Variants in LIG1 observed in about 807,000 individuals in gnomAD.
LIG1 encodes ligase I, DNA, ATP-dependent.
Under a neutral mutation model 115.7 loss-of-function variants are expected in LIG1, and 70 were observed. The ratio of observed to expected loss-of-function variants is 0.60; its 90% CI spans 0.50 to 0.74. The LOEUF is 0.74. Ranked by LOEUF, LIG1 falls within the 30% of genes least tolerant of loss-of-function variation. The pLI is 0.00. For synonymous variants in LIG1, 487 were observed against 495.3 expected (o/e 0.98, Z 0.22); for missense variants, 1,115 against 1,225.6 (o/e 0.91, Z 1.35).
intron 4 of LIG1, chr19:48,161,025 T>C (rs1309575298): frequency 3.0e-6 from 1 of 338,416 alleles, no homozygotes; most frequent in South Asian, 2.6e-5. Flanking sequence ...ACGTAAGCCA[T>C]TGTGCTGGGC....
intron 14 of LIG1, 33 bp from the exon 15 acceptor site, chr19:48,136,158 G>C: frequency 1.2e-5 from 18 of 1,487,818 alleles, no homozygotes; most frequent in Non-Finnish European, 1.5e-5. Flanking sequence ...AAGGGGGCTT[G>C]TCTGCACCTC....
rs953396806 is a variant in LIG1 at position 48,141,869 on chromosome 19, C to G, written c.914+1674G>C. ...TTGGATGGTGCAGTGGATGGAACAG[C>G]CCCCCCAAAATTCAGGTCCACTCAG... On this transcript the variant is annotated intron_variant, in intron 11 of 27. Coordinates refer to ENST00000263274, the MANE Select transcript of LIG1 (RefSeq NM_000234.3). Among the ~76,000 whole-genome samples, 10 of 152,072 alleles carry G rather than the reference C, an allele frequency of 6.6e-5. 1 individual carries two copies. The highest frequency in any genetic ancestry group is 1.5e-4 in the Non-Finnish European group (10 of 68,008).
intron 4 of LIG1, among the ~76,000 whole-genome samples, chr19:48,159,094 T>TTC (rs2036021305): frequency 6.6e-6 from 1 of 152,050 alleles, no homozygotes; most frequent in Non-Finnish European, 1.5e-5. Context: ...TTTTTTTTTT[T>TTC]TGAGATGGAG....
chr19:48,137,894 A>G lies in LIG1; in HGVS notation c.1088-206T>C. ...CGCTGGCTGTAGGAAGTCAGCAAAC[A>G]TGCACGTGGAGCCAGGAAAGCGGTG... On this transcript the variant is annotated intron_variant, in intron 12 of 27. Coordinates refer to ENST00000263274, the MANE Select transcript of LIG1 (RefSeq NM_000234.3). This position sits in a 1 kb window ranked among gnomAD's most constrained non-coding sequence, Gnocchi z 4.3. 1 of 635,080 alleles carries G rather than the reference A, an allele frequency of 1.6e-6. No individual in the cohort carries two copies. The highest frequency in any genetic ancestry group is 2.8e-6 in the Non-Finnish European group (1 of 355,406). The allele number at this position is 635,080 out of a possible 1,614,324, so 39.3% of individuals were successfully genotyped here.
chr19:48,143,387 C>T (rs1391451052), intron 11 of LIG1, among the ~76,000 whole-genome samples, 156 bp downstream of exon 11: 2 of 152,168 alleles, frequency 1.3e-5, no homozygotes, highest in African/African-American at 4.8e-5. Context: ...CCTGCAGCCG[C>T]TTTTGTGACC....
intron 1 of LIG1, among the ~76,000 whole-genome samples, chr19:48,167,855 CAAAA>C (rs1456550124): frequency 7.4e-6 from 1 of 135,276 alleles, no homozygotes; most frequent in East Asian, 2.1e-4. Context: ...AAAAAACAAA[CAAAA>C]AAGAAACTCA....
rs760516163 is a variant in LIG1, at chr19:48,137,069, T to C, written c.1270A>G (p.Ile424Val). The change falls in exon 14 of 28, where the codon ATA becomes GTA. Residue 424 changes from isoleucine to valine, a missense_variant. By Grantham distance (29) the Ile-to-Val change is conservative. Coordinates refer to ENST00000263274, the MANE Select transcript of LIG1 (RefSeq NM_000234.3). The surrounding 1 kb of genome is among the most constrained non-coding windows in gnomAD (Gnocchi z 4.3). Reference protein sequence around the residue: ...LTGSASTAKKIDIIKGLFVAC... With the variant: ...LTGSASTAKKVDIIKGLFVAC... Reference sequence around the variant, plus strand: ...ACAAAGAGGCCTTTGATGATGTCTATCTTCTTGGCTGTGGACTGGAGAGTC... The same window carrying C: ...ACAAAGAGGCCTTTGATGATGTCTACCTTCTTGGCTGTGGACTGGAGAGTC... 6.2e-7 allele frequency: 1 copy of C among 1,612,900 alleles called. No homozygotes were observed. Among genetic ancestry groups the C allele is most frequent in the Admixed American group, 1.7e-5 (1 of 59,794 alleles).
chr19:48,152,027 T>C (rs1345451187), intron 6 of LIG1, among the ~76,000 whole-genome samples: 4 of 152,104 alleles, frequency 2.6e-5, no homozygotes, highest in African/African-American at 9.7e-5. Context: ...TCTGCCTTAG[T>C]AGAAAGAGGC....
intron 21 of LIG1, among the ~76,000 whole-genome samples, chr19:48,126,007 G>T (rs939020199): frequency 2.4e-5 from 3 of 123,342 alleles, no homozygotes; most frequent in African/African-American, 9.3e-5. Context: ...AAAAAAAAAA[G>T]ATTATCTGGG....
intron 1 of LIG1, among the ~76,000 whole-genome samples, chr19:48,168,072 C>T (rs567683878): frequency 6.6e-6 from 1 of 152,282 alleles, no homozygotes; most frequent in East Asian, 1.9e-4. Context: ...TCCACAACAA[C>T]TCTGTTACAG....
rs1307170481 is a variant in LIG1 at position 48,132,972 on chromosome 19, C to T, written c.1725+10G>A. 1 of 1,587,298 alleles carries T rather than the reference C, an allele frequency of 6.3e-7. No homozygotes were observed. The highest frequency in any genetic ancestry group is 1.7e-5 in the Admixed American group (1 of 59,986). On this transcript the variant is annotated intron_variant, in intron 18 of 27. Coordinates refer to ENST00000263274, the MANE Select transcript of LIG1 (RefSeq NM_000234.3). ...CTGTCTGTGGAAGGGACATGTCCCACTCCCCATACCTGTGCCCTCTGCCCG... is the reference window on the plus strand; with the variant it reads ...CTGTCTGTGGAAGGGACATGTCCCATTCCCCATACCTGTGCCCTCTGCCCG...
chr19:48,160,567 T>A (rs2123009836), intron 4 of LIG1, among the ~76,000 whole-genome samples: 1 of 152,186 alleles, frequency 6.6e-6, no homozygotes, highest in South Asian at 2.1e-4. Flanking sequence ...GGACCTGACC[T>A]CACCACTGAC....
chr19:48,136,413 G>A (rs972498248), intron 14 of LIG1, among the ~76,000 whole-genome samples: 2 of 152,212 alleles, frequency 1.3e-5, no homozygotes, highest in Non-Finnish European at 2.9e-5. Context: ...CGAGGCTTGA[G>A]GAGGATGAGT....
intron 1 of LIG1, among the ~76,000 whole-genome samples, chr19:48,168,033 G>A (rs1458713777): frequency 6.6e-6 from 1 of 152,058 alleles, no homozygotes; most frequent in African/African-American, 2.4e-5. Flanking sequence ...AACTGCCTAG[G>A]TACTTGACAT....
Position 48,119,122 on chromosome 19 carries a change from G to C in LIG1, c.2439+15C>G. The C allele has an allele frequency of 6.4e-7, 1 of 1,569,750 alleles. No homozygotes were observed. Among genetic ancestry groups the C allele is most frequent in the Non-Finnish European group, 8.6e-7 (1 of 1,157,140 alleles). On this transcript the variant is annotated intron_variant, in intron 25 of 27. Transcript: ENST00000263274. The stretch of plus-strand genomic sequence containing the variant: ...GGAGAGGGGTGGAGGCTGAGGCGCA[G>C]CCGCCATGGCTCACCTTGAGGCTCT...
chr19:48,117,515 A>T, intron 26 of LIG1, 123 bp downstream of exon 26: 2 of 1,086,170 alleles, frequency 1.8e-6, no homozygotes, highest in Non-Finnish European at 2.7e-6. Flanking sequence ...ATAAAATGCA[A>T]GCTCATCTTC....
At chr19:48,136,537 T>C (rs890722475) in intron 14 of LIG1, among the ~76,000 whole-genome samples, 1 of 152,178 alleles carries the variant, frequency 6.6e-6, no homozygotes, top group East Asian at 1.9e-4. Context: ...TGCCTCCCCA[T>C]GTCTCCATTT....
intron 16 of LIG1, among the ~76,000 whole-genome samples, 190 bp downstream of exon 16, chr19:48,135,490 T>C (rs921031933): frequency 6.6e-6 from 1 of 152,124 alleles, no homozygotes; most frequent in Non-Finnish European, 1.5e-5. Context: ...TTCCTGATCT[T>C]TGTCACCATC....
chr19:48,118,191 A>T (rs557833705), intron 25 of LIG1, among the ~76,000 whole-genome samples: 1 of 152,248 alleles, frequency 6.6e-6, no homozygotes, highest in Admixed American at 6.5e-5. Flanking sequence ...AGGGCAATGG[A>T]GAGAGAGAAC....
Sources: allele counts gnomAD v4.1 joint callset (sites outside exome capture counted in the v4.1 genomes callset), GRCh38; gene constraint gnomAD v4.1.1; non-coding constraint Gnocchi (gnomAD v3.1); transcripts MANE v1.5; gene names NCBI Gene and HGNC (gene_info 2026-07-23, HGNC 2026-07-21).